UBAC1: variants seen among roughly 807,000 people sequenced by gnomAD.
The protein encoded by UBAC1 is UBA domain containing 1.
Under a neutral mutation model 45.9 loss-of-function variants are expected in UBAC1, and 27 were observed. The ratio of observed to expected loss-of-function variants is 0.59; its 90% confidence interval spans 0.43 to 0.81. UBAC1 has a LOEUF of 0.81. Ranked by LOEUF, UBAC1 falls within the 30% of genes least tolerant of loss-of-function variation. The pLI is 0.00. For missense variants in UBAC1, 529 were observed against 539.2 expected, an observed-to-expected ratio of 0.98 and a Z score of 0.19; for synonymous variants, 227 against 215.5, an observed-to-expected ratio of 1.05 and a Z score of -0.47.
chr9:135,954,516 T>C (rs1839443652), intron 2 of UBAC1, among the ~76,000 whole-genome samples: 1 of 152,174 alleles, frequency 6.6e-6, no homozygotes. Context: ...TTGCATGATA[T>C]CTGCATGGCC....
intron 4 of UBAC1, among the ~76,000 whole-genome samples, chr9:135,947,157 C>T (rs1018729129): frequency 3.3e-5 from 5 of 152,216 alleles, no homozygotes; most frequent in African/African-American, 7.2e-5. Flanking sequence ...ACGTGCCTGC[C>T]CTGCCTGCTG....
intron 2 of UBAC1, among the ~76,000 whole-genome samples, chr9:135,954,282 C>A (rs771078162): frequency 2.0e-5 from 3 of 151,942 alleles, no homozygotes; most frequent in East Asian, 3.9e-4. Flanking sequence ...CCCATCTCTA[C>A]GAAAATATAA....
intron 3 of UBAC1, among the ~76,000 whole-genome samples, chr9:135,951,443 T>C (rs1192851508): frequency 2.6e-5 from 4 of 151,600 alleles, no homozygotes; most frequent in Non-Finnish European, 5.9e-5. Flanking sequence ...TGAGTTATAA[T>C]TGTACCACTG....
intron 1 of UBAC1, among the ~76,000 whole-genome samples, chr9:135,960,612 G>C (rs1478946875): frequency 6.6e-6 from 1 of 152,030 alleles, no homozygotes; most frequent in Admixed American, 6.6e-5. Context: ...CACCCCAACA[G>C]CAAAAAGGTA....
intron 1 of UBAC1, among the ~76,000 whole-genome samples, chr9:135,960,131 G>C (rs1483985498): frequency 1.3e-5 from 2 of 152,248 alleles, no homozygotes; most frequent in Middle Eastern, 3.4e-3. Flanking sequence ...ACATGGAGTC[G>C]CCACTAGAAA....
intron 9 of UBAC1, among the ~76,000 whole-genome samples, 167 bp downstream of exon 9, chr9:135,938,055 C>T (rs186589583): frequency 2.4e-4 from 36 of 152,278 alleles, no homozygotes; most frequent in African/African-American, 6.3e-4. Context: ...AGTGACGTAG[C>T]GGGACTACAC....
chr9:135,961,274 G>T lies in UBAC1; in HGVS notation c.-112C>A. ...CGCCCGCGCGCTCCTTCGCTGGGCC[G>T]CCGCCCCGCCCCGGCTCCCGTCGGC... On this transcript the variant is annotated 5_prime_UTR_variant, in exon 1 of 10. Coordinates refer to ENST00000371756, the MANE Select transcript of UBAC1 (RefSeq NM_016172.3). 1.0e-6 allele frequency: 1 copy of T among 970,158 alleles called. No individual in the cohort carries two copies. The allele number at this position is 970,158 out of a possible 1,614,324, so 60.1% of individuals were successfully genotyped here.
chr9:135,945,608 G>C, intron 6 of UBAC1: 1 of 535,502 alleles, frequency 1.9e-6, no homozygotes, highest in Non-Finnish European at 3.3e-6. Context: ...AACTCACACG[G>C]GAATCCTGAG....
At chr9:135,942,851 G>T (rs1564195890) in intron 7 of UBAC1, among the ~76,000 whole-genome samples, 1 of 152,126 alleles carries the variant, frequency 6.6e-6, no homozygotes, top group South Asian at 2.1e-4. Context: ...GAGGTAGGGA[G>T]TGGGAACTGA....
intron 1 of UBAC1, among the ~76,000 whole-genome samples, 187 bp downstream of exon 1, chr9:135,960,838 G>C (rs559617037): frequency 1.0e-3 from 157 of 152,306 alleles, no homozygotes; most frequent in African/African-American, 3.7e-3. Flanking sequence ...CAGAGGTGTG[G>C]GATCCGAAAG....
chr9:135,945,866 G>C, intron 6 of UBAC1, 23 bp downstream of exon 6: 2 of 1,607,086 alleles, frequency 1.2e-6, no homozygotes, highest in Non-Finnish European at 8.5e-7. Context: ...TCCGGCAAGG[G>C]AAGGAGGTGG....
At chr9:135,939,562 C>G in intron 8 of UBAC1, 111 bp downstream of exon 8, 1 of 1,068,734 alleles carries the variant, frequency 9.4e-7, no homozygotes, top group Non-Finnish European at 1.4e-6. Context: ...ACACTCACCA[C>G]AGCCCACACT....
chr9:135,950,012 C>G (rs1386939687), intron 3 of UBAC1, among the ~76,000 whole-genome samples: 1 of 152,242 alleles, frequency 6.6e-6, no homozygotes, highest in Non-Finnish European at 1.5e-5. Flanking sequence ...GAGCAGCCCC[C>G]AGCTGGCCGC....
chr9:135,935,161 T>G (rs528736844), intron 9 of UBAC1, among the ~76,000 whole-genome samples: 1 of 152,140 alleles, frequency 6.6e-6, no homozygotes. Context: ...CCTCCCAAAG[T>G]GCTACAATTA....
At chr9:135,947,439 G>C (rs953777046) in intron 4 of UBAC1, 2 of 187,238 alleles carry the variant, frequency 1.1e-5, no homozygotes, top group Non-Finnish European at 2.2e-5. Flanking sequence ...TTTTAGTAGA[G>C]ACGGAGTTTC....
chr9:135,946,023 G>C (rs974794567), intron 5 of UBAC1, 26 bp from the exon 6 acceptor site: 1 of 1,601,712 alleles, frequency 6.2e-7, no homozygotes, highest in Non-Finnish European at 8.5e-7. Flanking sequence ...AGGGCCATGA[G>C]GGCTCCAGCC....
chr9:135,936,840 C>T (rs1275334239), intron 9 of UBAC1, among the ~76,000 whole-genome samples: 2 of 152,148 alleles, frequency 1.3e-5, no homozygotes, highest in Non-Finnish European at 2.9e-5. Flanking sequence ...AATACAGACA[C>T]ACTGAAGGAC....
At chr9:135,939,958 T>A (rs567777592) in intron 7 of UBAC1, among the ~76,000 whole-genome samples, 199 bp from the exon 8 acceptor site, 1 of 152,190 alleles carries the variant, frequency 6.6e-6, no homozygotes, top group Non-Finnish European at 1.5e-5. Context: ...GCCGAGGAAG[T>A]GCAGGGATGA....
intron 3 of UBAC1, among the ~76,000 whole-genome samples, chr9:135,950,346 C>G (rs1839393377): frequency 6.6e-6 from 1 of 152,222 alleles, no homozygotes; most frequent in African/African-American, 2.4e-5. Flanking sequence ...GGCTGTGCAG[C>G]AGGCCTGGAA....
Sources: gnomAD v4.1 joint callset for allele counts (sites outside exome capture counted in the v4.1 genomes callset) on GRCh38, gnomAD v4.1.1 for gene constraint, MANE v1.5 for transcripts, NCBI Gene and HGNC (gene_info 2026-07-23, HGNC 2026-07-21) for gene names.